STOX2: variants seen among roughly 807,000 people sequenced by gnomAD.
STOX2 encodes storkhead-box protein 2.
In STOX2, 28 loss-of-function variants were observed where a neutral mutation model predicts 60.9. That is an observed-to-expected ratio of 0.46 (90% CI 0.34 to 0.63). STOX2 has a LOEUF of 0.63. Among genes scored for constraint, STOX2 ranks in the 30% least tolerant of loss-of-function variants. STOX2 has a pLI of 0.01. For synonymous variants in STOX2, 472 were observed against 463.9 expected, an observed-to-expected ratio of 1.02 and a Z score of -0.22; for missense variants, 1,024 against 1,187.7, an observed-to-expected ratio of 0.86 and a Z score of 2.03.
intron 1 of STOX2, among the ~76,000 whole-genome samples, chr4:184,000,456 C>T (rs1010249665): frequency 4.6e-5 from 7 of 152,158 alleles, no homozygotes; most frequent in Non-Finnish European, 8.8e-5. Context: ...ATCATCCCCA[C>T]GGCCACCACA....
intron 1 of STOX2, among the ~76,000 whole-genome samples, chr4:183,869,172 A>G (rs1740635918): frequency 6.6e-6 from 1 of 152,234 alleles, no homozygotes; most frequent in African/African-American, 2.4e-5. Flanking sequence ...ATACCTGACA[A>G]ACAAAAGAAA....
intron 1 of STOX2, among the ~76,000 whole-genome samples, chr4:183,997,357 A>G (rs1018138178): frequency 2.0e-5 from 3 of 152,218 alleles, no homozygotes; most frequent in African/African-American, 7.2e-5. Flanking sequence ...GGAGGTCGTG[A>G]GTGGCAAGTA....
At chr4:183,914,686 C>A (rs1741879851) in intron 1 of STOX2, among the ~76,000 whole-genome samples, 1 of 152,064 alleles carries the variant, frequency 6.6e-6, no homozygotes, top group African/African-American at 2.4e-5. Flanking sequence ...TTTCTGTTCC[C>A]CTTCTTGGAG....
chr4:183,877,299 TG>T (rs1407809200), intron 1 of STOX2, among the ~76,000 whole-genome samples: 4 of 152,174 alleles, frequency 2.6e-5, no homozygotes, highest in Admixed American at 2.6e-4. Flanking sequence ...TCAAGAGAAA[TG>T]AAGAATCTCG....
chr4:183,906,381 T>C lies in STOX2; in HGVS notation c.-410T>C, dbSNP rs1741604367. 6.3e-6 allele frequency: 1 copy of C among 158,116 alleles called. No individual in the cohort carries two copies. Among genetic ancestry groups the C allele is most frequent in the African/African-American group, 2.4e-5 (1 of 41,620 alleles). The allele number at this position is 158,116 out of a possible 1,614,324, so 9.8% of individuals were successfully genotyped here. A position where few individuals can be genotyped will look rare whatever the true frequency, so the allele number is the denominator to read the frequency against. On this transcript the variant is annotated 5_prime_UTR_variant, in exon 1 of 4. Transcript: ENST00000308497. Reference sequence around the variant, plus strand: ...GGGTCTTTTGTGCCGTGGCTCCCAGTTGGCCAAGCACTCCTGCGCTGAATC... The same window carrying C: ...GGGTCTTTTGTGCCGTGGCTCCCAGCTGGCCAAGCACTCCTGCGCTGAATC...
At chr4:183,855,178 A>G (rs1294706832) in intron 1 of STOX2, among the ~76,000 whole-genome samples, 1 of 152,254 alleles carries the variant, frequency 6.6e-6, no homozygotes, top group Admixed American at 6.5e-5. Flanking sequence ...AAGTGAAATC[A>G]CACGCATTAC....
intron 1 of STOX2, among the ~76,000 whole-genome samples, chr4:183,992,842 C>T (rs138715161): frequency 1.2e-4 from 18 of 152,274 alleles, no homozygotes; most frequent in African/African-American, 2.6e-4. Flanking sequence ...GAGGACCTGC[C>T]GTGTGAAAGC....
At chr4:183,967,415 T>C (rs1377499879) in intron 1 of STOX2, among the ~76,000 whole-genome samples, 1 of 149,136 alleles carries the variant, frequency 6.7e-6, no homozygotes, top group African/African-American at 2.5e-5. Context: ...TTAAAGATGA[T>C]GGGGTGTGCA....
In STOX2 at chr4:184,020,675, A is replaced by G. The variant is rs2111269379; in HGVS notation, c.*3391A>G. 8.7e-6 allele frequency: 1 copy of G among 114,936 alleles called. No individual in the cohort carries two copies. The highest frequency in any genetic ancestry group is 3.8e-3 in the Middle Eastern group (1 of 260). 7.1% of individuals were successfully genotyped at this position (114,936 alleles called of 1,614,324 possible). On this transcript the variant is annotated 3_prime_UTR_variant, in exon 4 of 4. Transcript: ENST00000308497. Reference sequence around the variant, plus strand: ...CACATCTCAGGGGACCATAATGAACATATGAAAGGGGGGGGGGTGCCATCA... The same window carrying G: ...CACATCTCAGGGGACCATAATGAACGTATGAAAGGGGGGGGGGTGCCATCA...
chr4:183,853,857 G>A (rs778740825), intron 1 of STOX2: 1 of 152,184 alleles, frequency 6.6e-6, no homozygotes, highest in Non-Finnish European at 1.5e-5. Flanking sequence ...AGTATATTGA[G>A]CTCTGGGGTG....
chr4:183,852,599 T>A (rs1040798121), intron 1 of STOX2, among the ~76,000 whole-genome samples: 19 of 151,828 alleles, frequency 1.3e-4, no homozygotes, highest in African/African-American at 3.6e-4. Flanking sequence ...CTTATCATAC[T>A]CTCATCAAGG....
At chr4:183,876,272 C>G (rs1306149618) in intron 1 of STOX2, among the ~76,000 whole-genome samples, 2 of 152,190 alleles carry the variant, frequency 1.3e-5, no homozygotes, top group Non-Finnish European at 2.9e-5. Context: ...TGGCCAGGTC[C>G]CAAGCTCTTG....
chr4:183,926,386 T>G (rs1400824787), intron 1 of STOX2, among the ~76,000 whole-genome samples: 1 of 152,204 alleles, frequency 6.6e-6, no homozygotes, highest in Non-Finnish European at 1.5e-5. Context: ...GATAATAATG[T>G]TTTCCACTTA....
At chr4:183,877,661 C>T (rs934567771) in intron 1 of STOX2, among the ~76,000 whole-genome samples, 2 of 152,170 alleles carry the variant, frequency 1.3e-5, no homozygotes, top group East Asian at 1.9e-4. Flanking sequence ...TGCCTCATGC[C>T]GCACTTCCGC....
At chr4:183,803,966 A>C (rs1738826615) in intron 1 of STOX2, among the ~76,000 whole-genome samples, 1 of 151,962 alleles carries the variant, frequency 6.6e-6, no homozygotes, top group East Asian at 1.9e-4. Context: ...ACTCTGTCTC[A>C]AAAAAAAGAA....
At chr4:183,849,758 C>T (rs1740071503) in intron 1 of STOX2, among the ~76,000 whole-genome samples, 1 of 151,962 alleles carries the variant, frequency 6.6e-6, no homozygotes, top group Non-Finnish European at 1.5e-5. Flanking sequence ...AGGGAGAGGG[C>T]GTTGGGAGTT....
chr4:183,878,332 T>G (rs1740877555), intron 1 of STOX2, among the ~76,000 whole-genome samples: 1 of 152,248 alleles, frequency 6.6e-6, no homozygotes, highest in Admixed American at 6.5e-5. Context: ...GCTCCAAGTT[T>G]ATTCATTATG....
chr4:183,948,218 C>CCAAAA (rs1742954773), intron 1 of STOX2, among the ~76,000 whole-genome samples: 1 of 29,878 alleles, frequency 3.3e-5, no homozygotes, highest in East Asian at 1.4e-3. Context: ...AACTCCATCT[C>CCAAAA]AAAAAAAAAA....
chr4:183,928,758 T>C (rs1406502442), intron 1 of STOX2, among the ~76,000 whole-genome samples: 2 of 149,082 alleles, frequency 1.3e-5, no homozygotes, highest in Non-Finnish European at 3.0e-5. Flanking sequence ...TGAGCCGAGA[T>C]CACACCACTG....
Sources: allele counts gnomAD v4.1 joint callset (sites outside exome capture counted in the v4.1 genomes callset), GRCh38; gene constraint gnomAD v4.1.1; transcripts MANE v1.5; gene names NCBI Gene and HGNC (gene_info 2026-07-23, HGNC 2026-07-21).